The following ADAMTS17 variants were observed in gnomAD, a reference collection of about 807,000 sequenced individuals.
ADAMTS17 encodes the protein A disintegrin and metalloproteinase with thrombospondin motifs 17.
ADAMTS17 carries 113 observed loss-of-function variants against 141.5 expected under a neutral mutation model. The observed-to-expected ratio is 0.80, with a 90% CI of 0.69 to 0.93. The LOEUF (loss-of-function observed/expected upper bound fraction) is 0.93, where lower values mean the gene tolerates loss of function less well. Among genes scored for constraint, ADAMTS17 ranks in the 40% least tolerant of loss-of-function variants. The probability of loss-of-function intolerance (pLI) is 0.00; values close to 1 mark genes in which losing one functional copy is unlikely to be tolerated. For synonymous variants in ADAMTS17, 768 were observed against 630.6 expected, an observed-to-expected ratio of 1.22 and a Z score of -3.27; for missense variants, 1,659 against 1,517.9, an observed-to-expected ratio of 1.09 and a Z score of -1.54.
chr15:100,317,663 T>C (rs1256189464), intron 3 of ADAMTS17, among the ~76,000 whole-genome samples: 1 of 152,126 alleles, frequency 6.6e-6, no homozygotes, highest in East Asian at 1.9e-4. Context: ...GGGACAACAC[T>C]GAGAAAAAGA....
chr15:100,311,019 T>C (rs1251694798), intron 3 of ADAMTS17, among the ~76,000 whole-genome samples: 1 of 152,226 alleles, frequency 6.6e-6, no homozygotes, highest in Non-Finnish European at 1.5e-5. Context: ...CTGCTAGGCT[T>C]TTCCATGAGA....
intron 21 of ADAMTS17, among the ~76,000 whole-genome samples, chr15:99,975,087 C>G (rs539578927): frequency 6.6e-6 from 1 of 152,314 alleles, no homozygotes; most frequent in Non-Finnish European, 1.5e-5. Context: ...AGCTCAAAGG[C>G]CTCCCCCGGA....
intron 15 of ADAMTS17, among the ~76,000 whole-genome samples, chr15:100,084,919 G>A (rs751886551): frequency 1.3e-5 from 2 of 152,120 alleles, no homozygotes; most frequent in Non-Finnish European, 2.9e-5. Flanking sequence ...AACTGGAAAC[G>A]CTAAAAATCG....
chr15:100,207,982 A>C (rs1279390991), intron 7 of ADAMTS17, among the ~76,000 whole-genome samples: 1 of 152,222 alleles, frequency 6.6e-6, no homozygotes, highest in Non-Finnish European at 1.5e-5. Context: ...CTCTTATAAA[A>C]GTAATATACT....
At chr15:100,320,477 T>C (rs968365023) in intron 3 of ADAMTS17, among the ~76,000 whole-genome samples, 3 of 152,136 alleles carry the variant, frequency 2.0e-5, no homozygotes, top group Non-Finnish European at 2.9e-5. Flanking sequence ...CACAGTACAA[T>C]AGTATCTTTA....
intron 7 of ADAMTS17, among the ~76,000 whole-genome samples, chr15:100,227,966 C>T (rs1194219151): frequency 6.6e-6 from 1 of 152,104 alleles, no homozygotes; most frequent in Non-Finnish European, 1.5e-5. Context: ...TAAACATGGC[C>T]ACGTCATCTG....
chr15:100,162,387 T>TAA (rs538924151), intron 8 of ADAMTS17, among the ~76,000 whole-genome samples: 1 of 147,452 alleles, frequency 6.8e-6, no homozygotes, highest in East Asian at 2.0e-4. Flanking sequence ...GTTATATATA[T>TAA]AACTATCTAT....
intron 18 of ADAMTS17, among the ~76,000 whole-genome samples, chr15:100,001,107 A>G (rs1216294914): frequency 6.6e-6 from 1 of 152,154 alleles, no homozygotes; most frequent in African/African-American, 2.4e-5. Context: ...CGGGGCAGAC[A>G]TTTACTGAGC....
chr15:100,057,850 C>T (rs759467688), intron 15 of ADAMTS17, among the ~76,000 whole-genome samples: 8 of 152,204 alleles, frequency 5.3e-5, no homozygotes, highest in South Asian at 2.1e-4. Context: ...GGAGAGAAAC[C>T]GTTTCTCCTG....
intron 7 of ADAMTS17, among the ~76,000 whole-genome samples, chr15:100,230,788 T>C (rs2042455772): frequency 1.3e-5 from 2 of 151,496 alleles, no homozygotes; most frequent in African/African-American, 4.9e-5. Context: ...AAAATGAATT[T>C]AAACACACAC....
chr15:100,221,190 CAATT>C (rs529183363), intron 7 of ADAMTS17, among the ~76,000 whole-genome samples: 38 of 151,920 alleles, frequency 2.5e-4, no homozygotes, highest in Non-Finnish European at 3.5e-4. Context: ...CAAATCTTCT[CAATT>C]AAATAACACA....
At chr15:100,253,267 A>G (rs898277717) in intron 7 of ADAMTS17, among the ~76,000 whole-genome samples, 3 of 148,478 alleles carry the variant, frequency 2.0e-5, no homozygotes, top group African/African-American at 7.6e-5. Context: ...AATGGTTTCC[A>G]TTTGAAATCC....
rs1044393237 is a variant in ADAMTS17 at position 100,072,104 on chromosome 15, C to T, written c.2138-18050G>A. ...TGCAAAAATCACAGTCTTTCTTATA[C>T]ACCAGTAACAGATAAACAGAGAGCC... On this transcript the variant is annotated intron_variant, in intron 15 of 21. Coordinates refer to ENST00000268070, the MANE Select transcript of ADAMTS17 (RefSeq NM_139057.4). 7.3e-5 allele frequency among the ~76,000 whole-genome samples: 11 copies of T among 150,154 alleles called. 1 individual carries two copies. Among genetic ancestry groups the T allele is most frequent in the Admixed American group, 2.7e-4 (4 of 14,988 alleles).
intron 3 of ADAMTS17, among the ~76,000 whole-genome samples, chr15:100,304,618 C>T (rs892805697): frequency 1.8e-4 from 27 of 152,214 alleles, no homozygotes; most frequent in Non-Finnish European, 2.8e-4. Context: ...CTTTCTTTCT[C>T]ACCACTGTCT....
chr15:100,290,953 C>T (rs1449674520), intron 3 of ADAMTS17, among the ~76,000 whole-genome samples: 2 of 152,122 alleles, frequency 1.3e-5, no homozygotes, highest in Non-Finnish European at 2.9e-5. Flanking sequence ...CCAAAGATTT[C>T]ATGACAAAGA....
At chr15:100,312,140 G>A (rs1442724825) in intron 3 of ADAMTS17, among the ~76,000 whole-genome samples, 1 of 152,216 alleles carries the variant, frequency 6.6e-6, no homozygotes, top group Non-Finnish European at 1.5e-5. Context: ...GAACTTACAT[G>A]GTAAACGGGG....
At chr15:100,109,578 G>T (rs114791638) in intron 13 of ADAMTS17, among the ~76,000 whole-genome samples, 6,319 of 152,090 alleles carry the variant, frequency 0.042, 429 homozygotes, top group African/African-American at 0.14. Flanking sequence ...GAGCTTCAGT[G>T]CTCCCCTAGC....
Position 100,317,437 on chromosome 15 carries a change from A to C in ADAMTS17, c.616+13452T>G, listed in dbSNP as rs8030282. Among the ~76,000 whole-genome samples, 7 of 152,202 alleles carry C rather than the reference A, an allele frequency of 4.6e-5. No homozygotes were observed. The South Asian group carries it at 1.2e-3, about 27-fold the overall frequency. The stretch of plus-strand genomic sequence containing the variant: ...CCAGGGAGACAGGAAATGAGGACCC[A>C]GGTTCCCAGCCTCAAAGGAGCAGAG... On this transcript the variant is annotated intron_variant, in intron 3 of 21. Transcript: ENST00000268070.
At chr15:100,069,410 T>C (rs998312398) in intron 15 of ADAMTS17, among the ~76,000 whole-genome samples, 7 of 152,148 alleles carry the variant, frequency 4.6e-5, no homozygotes, top group Non-Finnish European at 1.0e-4. Flanking sequence ...AAGATACTCC[T>C]TGAGAAGAGT....
Sources: allele counts gnomAD v4.1 joint callset (sites outside exome capture counted in the v4.1 genomes callset), GRCh38; gene constraint gnomAD v4.1.1; transcripts MANE v1.5; gene names NCBI Gene and HGNC (gene_info 2026-07-23, HGNC 2026-07-21).